TNPO1: variants seen among roughly 807,000 people sequenced by gnomAD.
TNPO1 encodes transportin 1.
In TNPO1, 8 loss-of-function variants were observed where a neutral mutation model predicts 119.5. That is an observed-to-expected ratio of 0.07 (90% CI 0.04 to 0.12). The LOEUF is 0.12. Ranked by LOEUF, TNPO1 falls within the 10% of genes least tolerant of loss-of-function variation. TNPO1 has a pLI of 1.00. For synonymous variants in TNPO1, 362 were observed against 363.0 expected (o/e 1.00, Z 0.03); for missense variants, 576 against 1,089.8 (o/e 0.53, Z 6.64).
chr5:72,911,426 C>T lies in TNPO1; in HGVS notation c.*2753C>T, dbSNP rs1020242848. 2 of 152,218 alleles carry T rather than the reference C, an allele frequency of 1.3e-5. No homozygotes were observed. Among genetic ancestry groups the T allele is most frequent in the Non-Finnish European group, 2.9e-5 (2 of 67,874 alleles). The allele number at this position is 152,218 out of a possible 1,614,324, so 9.4% of individuals were successfully genotyped here. A position where few individuals can be genotyped will look rare whatever the true frequency, so the allele number is the denominator to read the frequency against. ...TTGGGATTCTTTGTGTATTTTTCCC[C>T]CTTGAGGTTATTGTTTCTTCCTAAT... On this transcript the variant is annotated 3_prime_UTR_variant, in exon 25 of 25. Coordinates refer to ENST00000337273, the MANE Select transcript of TNPO1 (RefSeq NM_002270.4).
At chr5:72,826,375 A>G (rs561866975) in intron 1 of TNPO1, among the ~76,000 whole-genome samples, 1 of 152,324 alleles carries the variant, frequency 6.6e-6, no homozygotes, top group South Asian at 2.1e-4. Context: ...ACAAAGCAAA[A>G]AATACGTGAC....
chr5:72,849,419 A>AT (rs906677150), intron 2 of TNPO1, among the ~76,000 whole-genome samples: 6 of 152,200 alleles, frequency 3.9e-5, no homozygotes, highest in African/African-American at 4.8e-5. Context: ...TAAGTCTACT[A>AT]TTTTTTGCAG....
intron 1 of TNPO1, among the ~76,000 whole-genome samples, chr5:72,834,865 A>T (rs1265115331): frequency 1.3e-5 from 2 of 152,004 alleles, no homozygotes; most frequent in African/African-American, 4.8e-5. Context: ...TTTATTTTTC[A>T]TGCTTTTTAT....
chr5:72,893,353 A>G (rs1749202938), intron 16 of TNPO1, 24 bp from the exon 17 acceptor site: 2 of 1,609,008 alleles, frequency 1.2e-6, no homozygotes, highest in South Asian at 2.2e-5. Context: ...CCAAACTTAC[A>G]AAAAACATTG....
chr5:72,832,829 A>C (rs1744534767), intron 1 of TNPO1, among the ~76,000 whole-genome samples: 1 of 152,160 alleles, frequency 6.6e-6, no homozygotes, highest in South Asian at 2.1e-4. Flanking sequence ...GTCCGTAAAG[A>C]GGTGTACACC....
chr5:72,876,982 C>T (rs1446982277), intron 8 of TNPO1, among the ~76,000 whole-genome samples: 1 of 151,062 alleles, frequency 6.6e-6, no homozygotes, highest in African/African-American at 2.4e-5. Context: ...GTAGTCCCAT[C>T]TATTCGGGAG....
Position 72,875,643 on chromosome 5 carries a change from A to T in TNPO1, c.707A>T (p.Glu236Val). 6.2e-7 allele frequency: 1 copy of T among 1,613,500 alleles called. No individual in the cohort carries two copies. ...CTCTTTGCATTAGCTGGTGATGAAG[A>T]ACCAGAGGTACGGAAAAATGTGTGC... ...ENLFALAGDE[E>V]PEVRKNVCRA... The change falls in exon 8 of 25, where the codon GAA becomes GTA. Residue 236 changes from glutamate to valine, a missense_variant. Around this residue, in one of 6 missense-constraint regions of TNPO1, gnomAD observed 310 missense variants for 583.0 expected, o/e 0.53. Coordinates refer to ENST00000337273, the MANE Select transcript of TNPO1 (RefSeq NM_002270.4).
chr5:72,902,985 T>C (rs1244219480), intron 22 of TNPO1, among the ~76,000 whole-genome samples: 1 of 152,184 alleles, frequency 6.6e-6, no homozygotes, highest in Non-Finnish European at 1.5e-5. Flanking sequence ...AAATTTATAG[T>C]TGACATGTCA....
chr5:72,817,105 T>C (rs918759936), intron 1 of TNPO1, among the ~76,000 whole-genome samples: 5 of 152,330 alleles, frequency 3.3e-5, no homozygotes, highest in Admixed American at 2.0e-4. Flanking sequence ...GGCCCTTGAG[T>C]GCTGCAGTCG....
chr5:72,857,578 A>C (rs181951945), intron 4 of TNPO1, among the ~76,000 whole-genome samples: 1 of 152,186 alleles, frequency 6.6e-6, no homozygotes, highest in East Asian at 1.9e-4. Flanking sequence ...AGCGTGTGCC[A>C]GCCTTTTCCA....
At chr5:72,846,806 G>A (rs1366911438) in intron 1 of TNPO1, among the ~76,000 whole-genome samples, 5 of 152,124 alleles carry the variant, frequency 3.3e-5, no homozygotes, top group Admixed American at 1.3e-4. Flanking sequence ...GTACAATGTT[G>A]TGTCTATATT....
chr5:72,847,628 CCTTA>C (rs1293210889), intron 1 of TNPO1, among the ~76,000 whole-genome samples: 26 of 152,190 alleles, frequency 1.7e-4, no homozygotes, highest in Admixed American at 1.0e-3. Flanking sequence ...GACCCAAAGT[CCTTA>C]CTTTTGGAAT....
chr5:72,902,063 G>A (rs939388200), intron 22 of TNPO1, among the ~76,000 whole-genome samples: 2 of 150,038 alleles, frequency 1.3e-5, no homozygotes, highest in African/African-American at 2.4e-5. Context: ...GGACAAGAGC[G>A]AGACTTCATC....
chr5:72,862,939 C>T (rs974541694), intron 5 of TNPO1, among the ~76,000 whole-genome samples: 5 of 151,714 alleles, frequency 3.3e-5, no homozygotes, highest in Non-Finnish European at 5.9e-5. Context: ...TGAGCCACTG[C>T]GCCGGACCAT....
chr5:72,833,220 A>G lies in TNPO1; in HGVS notation c.16-15165A>G, dbSNP rs149453792. ...ATATTAGATAAAAATTCAAATATAT[A>G]CCACATGATTATATATATTACATAA... On this transcript the variant is annotated intron_variant, in intron 1 of 24. Transcript: ENST00000337273. Among the ~76,000 whole-genome samples, 210 of 152,292 alleles carry G rather than the reference A, an allele frequency of 1.4e-3. 1 individual carries two copies. The highest frequency in any genetic ancestry group is 4.8e-3 in the African/African-American group (199 of 41,562).
chr5:72,827,488 G>T (rs11750849), intron 1 of TNPO1, among the ~76,000 whole-genome samples: 4 of 152,086 alleles, frequency 2.6e-5, no homozygotes, highest in African/African-American at 7.2e-5. Context: ...GACAGCAGAG[G>T]GGGTGAGAAG....
intron 3 of TNPO1, 151 bp from the exon 4 acceptor site, chr5:72,855,623 A>T: frequency 1.5e-6 from 1 of 660,970 alleles, no homozygotes; most frequent in Non-Finnish European, 2.5e-6. Flanking sequence ...TGATAGAGCT[A>T]ATCTTTTGTT....
chr5:72,824,894 TA>T (rs1213132979), intron 1 of TNPO1, among the ~76,000 whole-genome samples: 5 of 152,170 alleles, frequency 3.3e-5, no homozygotes, highest in Admixed American at 2.0e-4. Flanking sequence ...TATCCAAAAC[TA>T]AACTCCTAAA....
chr5:72,878,918 C>G, intron 9 of TNPO1: 1 of 512,454 alleles, frequency 2.0e-6, no homozygotes. Flanking sequence ...CCAATGGTCT[C>G]AGCAGGAAGA....
Sources: allele counts gnomAD v4.1 joint callset (sites outside exome capture counted in the v4.1 genomes callset), GRCh38; gene constraint gnomAD v4.1.1; regional missense constraint gnomAD v4.1.1; transcripts MANE v1.5; gene names NCBI Gene and HGNC (gene_info 2026-07-23, HGNC 2026-07-21).